MMP27: variants seen among roughly 807,000 people sequenced by gnomAD.
MMP27 encodes the protein matrix metallopeptidase 27, also known as matrix metalloproteinase-27.
MMP27 carries 51 observed loss-of-function variants against 48.1 expected under a neutral mutation model. The ratio of observed to expected loss-of-function variants is 1.06; its 90% CI spans 0.85 to 1.34. MMP27 has a LOEUF of 1.34. MMP27 is among the 40% of genes most tolerant of loss of function. The pLI is 0.00. For missense variants in MMP27, 698 were observed against 619.3 expected, an observed-to-expected ratio of 1.13 and a Z score of -1.35; for synonymous variants, 229 against 208.9, an observed-to-expected ratio of 1.10 and a Z score of -0.83.
At chr11:102,704,870 C>A in intron 1 of MMP27, 95 bp from the exon 2 acceptor site, 4 of 710,846 alleles carry the variant, frequency 5.6e-6, no homozygotes, top group South Asian at 4.0e-5. Flanking sequence ...AAAATTCCTT[C>A]TGGCAATAGG....
At chr11:102,695,315 G>A (rs997544432) in intron 6 of MMP27, among the ~76,000 whole-genome samples, 13 of 152,132 alleles carry the variant, frequency 8.5e-5, no homozygotes, top group Non-Finnish European at 1.6e-4. Context: ...TCTTGGATCC[G>A]TAGAGTGGCA....
intron 2 of MMP27, 69 bp downstream of exon 2, chr11:102,704,468 A>G: frequency 8.2e-7 from 1 of 1,215,654 alleles, no homozygotes; most frequent in African/African-American, 1.5e-5. Context: ...AATGAATATT[A>G]TTCTGTTCCT....
Position 102,691,954 on chromosome 11 carries a change from T to G in MMP27, c.1354A>C (p.Asn452His). The G allele has an allele frequency of 6.2e-7, 1 of 1,613,048 alleles. No homozygotes were observed. Among genetic ancestry groups the G allele is most frequent in the Non-Finnish European group, 8.5e-7 (1 of 1,179,490 alleles). ...KQFEYDIKTKNITRIMRTNTW... is the reference protein window; with the variant it reads ...KQFEYDIKTKHITRIMRTNTW... Reference sequence around the variant, plus strand: ...TTAGTTCTCATGATTCGGGTAATATTCTTTGTCTTAATGTCGTATTCAAAT... The same window carrying G: ...TTAGTTCTCATGATTCGGGTAATATGCTTTGTCTTAATGTCGTATTCAAAT... The change falls in exon 10 of 10, where the codon AAT (asparagine) becomes CAT (histidine). Residue 452 changes from asparagine to histidine, a missense_variant. By Grantham distance (68) the Asn-to-His change is moderately conservative (BLOSUM62 1). Coordinates refer to ENST00000260229, the MANE Select transcript of MMP27 (RefSeq NM_022122.3).
At chr11:102,697,059 A>G (rs956000260) in intron 4 of MMP27, among the ~76,000 whole-genome samples, 4 of 152,230 alleles carry the variant, frequency 2.6e-5, no homozygotes, top group Non-Finnish European at 5.9e-5. Context: ...AGCAAACATT[A>G]TAGGGTGCAC....
At chr11:102,699,394 A>G (rs1425728007) in intron 4 of MMP27, among the ~76,000 whole-genome samples, 1 of 152,018 alleles carries the variant, frequency 6.6e-6, no homozygotes, top group South Asian at 2.1e-4. Context: ...CTTGAGTCCA[A>G]TAGGCATAGG....
At position 102,692,832 on chromosome 11, in the gene MMP27, G is replaced by A. The variant is rs1940043; in HGVS notation, c.1297+106C>T. 3,532 of 837,158 alleles carry A rather than the reference G, an allele frequency of 4.2e-3. 92 individuals are homozygous for A. In the African/African-American group the frequency reaches 0.052, roughly 12 times the overall value. 51.9% of individuals were successfully genotyped at this position (837,158 alleles called of 1,614,324 possible). On this transcript the variant is annotated intron_variant, in intron 9 of 9. Transcript: ENST00000260229. ...TGTTTATTATTGTATATACTTAAGA[G>A]TAGCAAAATTGCATTAAAATAAAAG...
intron 4 of MMP27, among the ~76,000 whole-genome samples, chr11:102,698,983 T>C (rs1860886043): frequency 6.6e-6 from 1 of 152,182 alleles, no homozygotes; most frequent in South Asian, 2.1e-4. Context: ...TAATTATCTT[T>C]TATTCCTAGT....
intron 2 of MMP27, among the ~76,000 whole-genome samples, chr11:102,703,703 T>C (rs1860990623): frequency 6.6e-6 from 1 of 152,066 alleles, no homozygotes. Flanking sequence ...TTGTGTTTTT[T>C]AGTAGAGATG....
intron 4 of MMP27, among the ~76,000 whole-genome samples, chr11:102,700,302 T>C (rs1288157762): frequency 6.6e-6 from 1 of 152,228 alleles, no homozygotes; most frequent in East Asian, 1.9e-4. Context: ...CTCATGGAGA[T>C]GTGACTAAAT....
chr11:102,694,815 G>A (rs550599140), intron 7 of MMP27, 152 bp downstream of exon 7: 1 of 760,200 alleles, frequency 1.3e-6, no homozygotes, highest in East Asian at 2.8e-5. Context: ...GAGAATCCTG[G>A]TTATTTATAT....
rs971306783 is a variant in MMP27, at chr11:102,694,849, G to A, written c.1033+118C>T. 11 of 1,120,000 alleles carry A rather than the reference G, an allele frequency of 9.8e-6. No homozygotes were observed. In the South Asian group the frequency reaches 1.7e-4, roughly 18 times the overall value. 69.4% of individuals were successfully genotyped at this position (1,120,000 alleles called of 1,614,324 possible). A position where few individuals can be genotyped will look rare whatever the true frequency, so the allele number is the denominator to read the frequency against. ...ATTCTTTACGACAGGAACCTAAGAT[G>A]AGAGCAAAAGCCCTGCGCCTTGGCT... On this transcript the variant is annotated intron_variant, in intron 7 of 9. Coordinates refer to ENST00000260229, the MANE Select transcript of MMP27 (RefSeq NM_022122.3).
In MMP27 at chr11:102,702,784, A is replaced by T. The variant is rs758682039; in HGVS notation, c.588T>A (p.Asp196Glu). 2 of 1,613,760 alleles carry T rather than the reference A, an allele frequency of 1.2e-6. No individual in the cohort carries two copies. Among genetic ancestry groups the T allele is most frequent in the Admixed American group, 3.3e-5 (2 of 59,920 alleles). ...CATCCTTGGTCCAGTTTTCATCCTC[A>T]TCAAAATGAGTGTCACCACCCAGAC... Reference protein sequence around the residue: ...GPGLGGDTHFDEDENWTKDGA... With the variant: ...GPGLGGDTHFEEDENWTKDGA... The change falls in exon 4 of 10, where the codon GAT (aspartate) becomes GAA (glutamate). Residue 196 changes from aspartate to glutamate, a missense_variant. Coordinates refer to ENST00000260229, the MANE Select transcript of MMP27 (RefSeq NM_022122.3).
At chr11:102,697,704 C>G (rs552332871) in intron 4 of MMP27, among the ~76,000 whole-genome samples, 2 of 152,210 alleles carry the variant, frequency 1.3e-5, no homozygotes, top group East Asian at 1.9e-4. Flanking sequence ...GGGGGTCTCA[C>G]TATGTTGCCC....
chr11:102,701,189 C>T (rs1230673294), intron 4 of MMP27, among the ~76,000 whole-genome samples: 2 of 152,218 alleles, frequency 1.3e-5, no homozygotes, highest in Middle Eastern at 3.4e-3. Flanking sequence ...GAAGACAATC[C>T]TTTTTGGAAC....
At position 102,691,725 on chromosome 11, in the gene MMP27, A is replaced by G. The variant is rs552654061; in HGVS notation, c.*41T>C. 3.9e-5 allele frequency: 57 copies of G among 1,461,730 alleles called. 1 individual carries two copies. The South Asian group carries it at 7.2e-4, about 19-fold the overall frequency. The allele number at this position is 1,461,730 out of a possible 1,614,324, so 90.5% of individuals were successfully genotyped here. On this transcript the variant is annotated 3_prime_UTR_variant, in exon 10 of 10. Coordinates refer to ENST00000260229, the MANE Select transcript of MMP27 (RefSeq NM_022122.3). ...TTTATTCTATTTTGAAGCAGAATTTATATTAAAAGACCTGTTGAGGTTTAT... is the reference window on the plus strand; with the variant it reads ...TTTATTCTATTTTGAAGCAGAATTTGTATTAAAAGACCTGTTGAGGTTTAT...
intron 6 of MMP27, among the ~76,000 whole-genome samples, 178 bp downstream of exon 6, chr11:102,696,193 T>G (rs1241803231): frequency 2.6e-5 from 4 of 152,212 alleles, no homozygotes; most frequent in African/African-American, 9.6e-5. Flanking sequence ...ATTTAAAAAT[T>G]TATCAAACAA....
At chr11:102,698,911 T>G (rs1304951088) in intron 4 of MMP27, among the ~76,000 whole-genome samples, 1 of 152,262 alleles carries the variant, frequency 6.6e-6, no homozygotes, top group Non-Finnish European at 1.5e-5. Flanking sequence ...CACTTGATTC[T>G]GTCATAGCCC....
In MMP27 at chr11:102,704,254, T is replaced by C. The variant is rs539946309; in HGVS notation, c.341+283A>G. Among the ~76,000 whole-genome samples the C allele has an allele frequency of 3.9e-5, 6 of 152,354 alleles. No homozygotes were observed. The East Asian group carries it at 1.2e-3, about 29-fold the overall frequency. On this transcript the variant is annotated intron_variant, in intron 2 of 9. Transcript: ENST00000260229. Reference sequence around the variant, plus strand: ...CAGTATTTGTTGGGAGCTTATATGATGGTGGCAGAGGCTAGAGATGAGAGC... The same window carrying C: ...CAGTATTTGTTGGGAGCTTATATGACGGTGGCAGAGGCTAGAGATGAGAGC...
At chr11:102,692,659 A>G (rs1262537619) in intron 9 of MMP27, among the ~76,000 whole-genome samples, 2 of 152,214 alleles carry the variant, frequency 1.3e-5, no homozygotes, top group African/African-American at 4.8e-5. Context: ...TCATGTGCTT[A>G]GTCACTTCGC....
Sources: gnomAD v4.1 joint callset for allele counts (sites outside exome capture counted in the v4.1 genomes callset) on GRCh38, gnomAD v4.1.1 for gene constraint, MANE v1.5 for transcripts, NCBI Gene and HGNC (gene_info 2026-07-23, HGNC 2026-07-21) for gene names.